The following DAGLA variants were observed in gnomAD, a reference collection of about 807,000 sequenced individuals.
DAGLA encodes diacylglycerol lipase-alpha.
In DAGLA, 22 loss-of-function variants were observed where a neutral mutation model predicts 102.6. The observed-to-expected ratio is 0.21, with a 90% CI of 0.15 to 0.31. DAGLA has a LOEUF of 0.31. Among genes scored for constraint, DAGLA ranks in the 10% least tolerant of loss-of-function variants. The probability of loss-of-function intolerance (pLI) is 1.00; values close to 1 mark genes in which losing one functional copy is unlikely to be tolerated. For missense variants in DAGLA, 927 were observed against 1,446.6 expected, an observed-to-expected ratio of 0.64 and a Z score of 5.83; for synonymous variants, 578 against 628.9, an observed-to-expected ratio of 0.92 and a Z score of 1.21.
chr11:61,699,688 G>T (rs554366765), intron 1 of DAGLA, among the ~76,000 whole-genome samples: 36 of 152,344 alleles, frequency 2.4e-4, no homozygotes, highest in Admixed American at 3.9e-4. Context: ...GGCCCCTCCG[G>T]GGAGTACAGT....
intron 1 of DAGLA, among the ~76,000 whole-genome samples, chr11:61,715,575 C>T (rs916159753): frequency 8.5e-5 from 13 of 152,204 alleles, no homozygotes; most frequent in East Asian, 1.9e-4. Flanking sequence ...TACCTTAGGA[C>T]GAGGGGGCGA....
intron 1 of DAGLA, among the ~76,000 whole-genome samples, chr11:61,711,089 G>T (rs1021628640): frequency 1.3e-5 from 2 of 152,200 alleles, no homozygotes; most frequent in African/African-American, 4.8e-5. Flanking sequence ...TCCCGGGAGA[G>T]TGGGGTAAAG....
intron 1 of DAGLA, among the ~76,000 whole-genome samples, chr11:61,689,726 G>A (rs967580411): frequency 4.9e-5 from 7 of 143,962 alleles, no homozygotes; most frequent in African/African-American, 1.7e-4. Context: ...GGATGGTCTC[G>A]ATCTCCTGAC....
chr11:61,699,240 G>A (rs1291107504), intron 1 of DAGLA, among the ~76,000 whole-genome samples: 1 of 152,192 alleles, frequency 6.6e-6, no homozygotes, highest in Non-Finnish European at 1.5e-5. Flanking sequence ...TTCCCTCCTG[G>A]CTGGCCCTGC....
At chr11:61,724,835 G>T (rs1421945798) in intron 5 of DAGLA, among the ~76,000 whole-genome samples, 1 of 152,174 alleles carries the variant, frequency 6.6e-6, no homozygotes, top group African/African-American at 2.4e-5. Flanking sequence ...CATTGGTTTA[G>T]GATGTACAGC....
At chr11:61,703,226 G>A (rs2065122484) in intron 1 of DAGLA, among the ~76,000 whole-genome samples, 3 of 152,224 alleles carry the variant, frequency 2.0e-5, no homozygotes, top group Admixed American at 2.0e-4. Flanking sequence ...GAAAACAGGC[G>A]AGACCCCTCC....
chr11:61,708,494 C>T (rs992010012), intron 1 of DAGLA, among the ~76,000 whole-genome samples: 1 of 152,126 alleles, frequency 6.6e-6, no homozygotes, highest in Non-Finnish European at 1.5e-5. Flanking sequence ...CATTCTCCTG[C>T]CTCAGCCTCT....
chr11:61,735,436 G>A, intron 10 of DAGLA, 125 bp from the exon 11 acceptor site: 1 of 814,240 alleles, frequency 1.2e-6, no homozygotes, highest in Non-Finnish European at 2.0e-6. Flanking sequence ...CAGCCTTTCT[G>A]GCGGCAGAGG....
At chr11:61,711,266 C>T (rs1043901628) in intron 1 of DAGLA, among the ~76,000 whole-genome samples, 3 of 152,258 alleles carry the variant, frequency 2.0e-5, no homozygotes, top group African/African-American at 2.4e-5. Context: ...CCAGGCTGCC[C>T]GGCCGCACCC....
At chr11:61,718,265 T>C (rs1450327242) in intron 1 of DAGLA, among the ~76,000 whole-genome samples, 1 of 152,118 alleles carries the variant, frequency 6.6e-6, no homozygotes, top group East Asian at 1.9e-4. Flanking sequence ...GATGCGGCTC[T>C]ACAGCACCTG....
intron 5 of DAGLA, among the ~76,000 whole-genome samples, chr11:61,723,778 G>A (rs187323154): frequency 3.9e-4 from 60 of 152,372 alleles, no homozygotes; most frequent in Admixed American, 1.6e-3. Flanking sequence ...CTTGTCTCAT[G>A]TTGTTGTGAG....
Position 61,692,514 on chromosome 11 carries a change from T to C in DAGLA, c.-45+12010T>C, listed in dbSNP as rs1468445411. ...GCGGGGCCTGGGAGTCTGCATAAGT[T>C]TGAGAGTTACTGGCGACCACTCATT... is the stretch of plus-strand genomic sequence containing the variant. On this transcript the variant is annotated intron_variant, in intron 1 of 19. Coordinates refer to ENST00000257215, the MANE Select transcript of DAGLA (RefSeq NM_006133.3). 2.0e-5 allele frequency among the ~76,000 whole-genome samples: 3 copies of C among 151,942 alleles called. No homozygotes were observed. The East Asian group carries it at 5.8e-4, about 29-fold the overall frequency.
intron 19 of DAGLA, 65 bp from the exon 20 acceptor site, chr11:61,743,467 G>T: frequency 7.5e-7 from 1 of 1,334,620 alleles, no homozygotes; most frequent in East Asian, 2.4e-5. Context: ...TTTAGCCAGG[G>T]AGCTGGGGTT....
chr11:61,700,720 C>A (rs2065103528), intron 1 of DAGLA, among the ~76,000 whole-genome samples: 1 of 152,238 alleles, frequency 6.6e-6, no homozygotes, highest in Non-Finnish European at 1.5e-5. Context: ...CAGTCCTGCA[C>A]AGCCCCTTCC....
intron 16 of DAGLA, 36 bp downstream of exon 16, chr11:61,738,243 C>T (rs1469573307): frequency 6.4e-7 from 1 of 1,555,406 alleles, no homozygotes; most frequent in African/African-American, 1.4e-5. Flanking sequence ...CTCTGTGCAG[C>T]CTCATCTGTC....
chr11:61,735,839 G>C, intron 12 of DAGLA, 23 bp downstream of exon 12: 1 of 1,587,336 alleles, frequency 6.3e-7, no homozygotes, highest in South Asian at 1.1e-5. Context: ...ATGGACCCCA[G>C]GGCCCCTGGG....
intron 8 of DAGLA, among the ~76,000 whole-genome samples, chr11:61,730,235 A>G (rs2065362004): frequency 6.6e-6 from 1 of 151,566 alleles, no homozygotes; most frequent in Non-Finnish European, 1.5e-5. Flanking sequence ...GGCTGTTCTC[A>G]CCACCTTCTC....
At chr11:61,731,810 C>T (rs147913408) in intron 9 of DAGLA, among the ~76,000 whole-genome samples, 3 of 152,248 alleles carry the variant, frequency 2.0e-5, no homozygotes, top group Non-Finnish European at 2.9e-5. Flanking sequence ...CCCCTTCTGG[C>T]GTTCTCTCTC....
chr11:61,738,741 G>A lies in DAGLA; in HGVS notation c.1656+534G>A, dbSNP rs1591053495. 5.9e-5 allele frequency among the ~76,000 whole-genome samples: 9 copies of A among 152,286 alleles called. No individual in the cohort carries two copies. In the South Asian group the frequency reaches 1.9e-3, roughly 32 times the overall value. On this transcript the variant is annotated intron_variant, in intron 16 of 19. Transcript: ENST00000257215. ...CACTGGCAGACGGGGTGGCCAGGTG[G>A]GGGTGGGGACATGGTGGCCAGGCAC...
Sources: allele counts gnomAD v4.1 joint callset (sites outside exome capture counted in the v4.1 genomes callset), GRCh38; gene constraint gnomAD v4.1.1; transcripts MANE v1.5; gene names NCBI Gene and HGNC (gene_info 2026-07-23, HGNC 2026-07-21).